Variants in ARHGEF10L observed in about 807,000 individuals in gnomAD.
The protein encoded by ARHGEF10L is Rho guanine nucleotide exchange factor 10 like.
A neutral mutation model predicts 141.2 loss-of-function variants in ARHGEF10L; 69 were observed. The observed-to-expected ratio is 0.49, with a 90% confidence interval of 0.40 to 0.60. The LOEUF (loss-of-function observed/expected upper bound fraction) is 0.60. Among genes scored for constraint, ARHGEF10L ranks in the 20% least tolerant of loss-of-function variants. The pLI, the probability that ARHGEF10L is intolerant of heterozygous loss-of-function variation, is 0.00. For missense variants in ARHGEF10L, 1,482 were observed against 1,734.3 expected (o/e 0.85, Z 2.58); for synonymous variants, 711 against 718.5 (o/e 0.99, Z 0.17).
At position 17,619,353 on chromosome 1, in the gene ARHGEF10L, G is replaced by A. The variant is rs112786807; in HGVS notation, c.850G>A (p.Glu284Lys). The A allele has an allele frequency of 6.2e-7, 1 of 1,613,312 alleles. No individual in the cohort carries two copies. The highest frequency in any genetic ancestry group is 8.5e-7 in the Non-Finnish European group (1 of 1,179,876). Residue 284 changes from glutamate to lysine, a missense_variant, in exon 10 of 29, where the codon GAG becomes AAG. Transcript: ENST00000361221. This position sits in a 1 kb window ranked among gnomAD's most constrained non-coding sequence, Gnocchi z 5.0. ...RKDVLGDSEEEDMGLLEVSVS... is the reference protein window; with the variant it reads ...RKDVLGDSEEKDMGLLEVSVS... ...TGACTTTCCAGGTGACTCGGAGGAGGAGGACATGGGGCTCCTGGAGGTCAG... is the reference window on the plus strand; with the variant it reads ...TGACTTTCCAGGTGACTCGGAGGAGAAGGACATGGGGCTCCTGGAGGTCAG...
Position 17,621,886 on chromosome 1 carries a change from G to A in ARHGEF10L, c.965G>A (p.Gly322Asp). ...PQQVVRRHILGSIVQSEGSYV... is the reference protein window; with the variant it reads ...PQQVVRRHILDSIVQSEGSYV... ...CAGGTGGTCCGGAGGCATATCCTGG[G>A]CTCCATCGTGCAGAGCGAAGGCAGC... The change falls in exon 11 of 29, where the codon GGC becomes GAC. Residue 322 changes from glycine to aspartate, a missense_variant. Transcript: ENST00000361221. This position sits in a 1 kb window ranked among gnomAD's most constrained non-coding sequence, Gnocchi z 4.1. 6.2e-7 allele frequency: 1 copy of A among 1,614,166 alleles called. No individual in the cohort carries two copies. Among genetic ancestry groups the A allele is most frequent in the South Asian group, 1.1e-5 (1 of 91,084 alleles).
intron 1 of ARHGEF10L, among the ~76,000 whole-genome samples, chr1:17,571,591 T>C (rs867813695): frequency 6.6e-6 from 1 of 152,174 alleles, no homozygotes. Flanking sequence ...TGGAGTGCAG[T>C]AGTGCGATCT....
chr1:17,642,988 T>C (rs2061407877), intron 21 of ARHGEF10L, among the ~76,000 whole-genome samples: 1 of 152,240 alleles, frequency 6.6e-6, no homozygotes, highest in Non-Finnish European at 1.5e-5. Context: ...CTTGGCAGCC[T>C]GTGAAGATGC....
rs1293877999 is a variant in ARHGEF10L, at chr1:17,639,092, C to T, written c.2171+403C>T. Among the ~76,000 whole-genome samples the T allele has an allele frequency of 3.3e-5, 5 of 152,210 alleles. No individual in the cohort carries two copies. Among genetic ancestry groups the T allele is most frequent in the Non-Finnish European group, 1.5e-5 (1 of 68,038 alleles). ...ACCACCTTAGCCCCAGAATGCCCAC[C>T]ACAGGAGCTGTGCACAGTAGACCCC... is the stretch of plus-strand genomic sequence containing the variant. On this transcript the variant is annotated intron_variant, in intron 20 of 28. Transcript: ENST00000361221. This position sits in a 1 kb window ranked among gnomAD's most constrained non-coding sequence, Gnocchi z 4.3.
At chr1:17,525,901 C>G in the ARHGEF10L span, among the ~76,000 whole-genome samples, 1 of 150,992 alleles carries the variant, frequency 6.6e-6, no homozygotes, top group Non-Finnish European at 1.5e-5. Flanking sequence ...ACTTGGGAAG[C>G]CGAGATGGAA....
At chr1:17,535,150 G>T (rs950400978), upstream of ARHGEF10L, among the ~76,000 whole-genome samples, 3 of 152,120 alleles carry the variant, frequency 2.0e-5, no homozygotes, top group Non-Finnish European at 4.4e-5. Context: ...CCATCTGGGG[G>T]TGATGGGAGA....
chr1:17,556,465 C>T (rs114033138), intron 1 of ARHGEF10L, among the ~76,000 whole-genome samples: 2,217 of 152,244 alleles, frequency 0.015, 59 homozygotes, highest in African/African-American at 0.051. Flanking sequence ...TCAGGGCTGA[C>T]GTTCTGTGAA....
intron 3 of ARHGEF10L, 24 bp downstream of exon 3, chr1:17,587,669 G>C: frequency 6.3e-7 from 1 of 1,591,966 alleles, no homozygotes; most frequent in African/African-American, 1.3e-5. Flanking sequence ...GGGAACTTCC[G>C]GTCCTGGGGC....
chr1:17,672,965 T>C (rs1352160737), intron 26 of ARHGEF10L, among the ~76,000 whole-genome samples: 1 of 152,132 alleles, frequency 6.6e-6, no homozygotes, highest in Non-Finnish European at 1.5e-5. Context: ...TCTCCTCACC[T>C]GGAGGAGCTC....
chr1:17,609,352 G>A (rs780071952), intron 7 of ARHGEF10L, among the ~76,000 whole-genome samples: 7 of 152,208 alleles, frequency 4.6e-5, no homozygotes, highest in Non-Finnish European at 1.0e-4. Flanking sequence ...TTCCAGGGAT[G>A]GGCCTCCAGG....
At chr1:17,556,703 AG>A (rs2077342097) in intron 1 of ARHGEF10L, among the ~76,000 whole-genome samples, 2 of 152,176 alleles carry the variant, frequency 1.3e-5, no homozygotes, top group South Asian at 4.1e-4. Context: ...AAGCCTGCTA[AG>A]AAGGCAGATT....
chr1:17,643,738 G>A (rs1396718927), intron 21 of ARHGEF10L, among the ~76,000 whole-genome samples: 2 of 152,216 alleles, frequency 1.3e-5, no homozygotes, highest in Admixed American at 6.5e-5. Context: ...GGGAGATGGT[G>A]CATGGAAGAT....
intron 27 of ARHGEF10L, chr1:17,694,448 G>A (rs2065339978): frequency 5.8e-6 from 1 of 173,352 alleles, no homozygotes; most frequent in African/African-American, 2.4e-5. Context: ...TCTCTGTTAG[G>A]AGCAGGGGCC....
At chr1:17,597,584 C>T (rs759639720) in intron 4 of ARHGEF10L, among the ~76,000 whole-genome samples, 1 of 152,134 alleles carries the variant, frequency 6.6e-6, no homozygotes, top group Non-Finnish European at 1.5e-5. Flanking sequence ...CTCATCGGCC[C>T]GAGGAACACC....
Position 17,539,768 on chromosome 1 carries a change from C to G in ARHGEF10L, c.-226C>G, listed in dbSNP as rs2076646248. On this transcript the variant is annotated 5_prime_UTR_variant, in exon 1 of 29. Coordinates refer to ENST00000361221, the MANE Select transcript of ARHGEF10L (RefSeq NM_018125.4). The surrounding 1 kb of genome is among the most constrained non-coding windows in gnomAD (Gnocchi z 6.0). ...CGGGCGCGGGCGCAGTCCCGGCGGG[C>G]CCGGACCTCGCGGGCGGGCGGGCGG... 1 of 146,322 alleles carries G rather than the reference C, an allele frequency of 6.8e-6. No individual in the cohort carries two copies. Among genetic ancestry groups the G allele is most frequent in the African/African-American group, 2.5e-5 (1 of 40,648 alleles). 9.1% of individuals were successfully genotyped at this position (146,322 alleles called of 1,614,324 possible).
chr1:17,622,317 C>T (rs1171218951), intron 11 of ARHGEF10L, among the ~76,000 whole-genome samples: 1 of 152,114 alleles, frequency 6.6e-6, no homozygotes, highest in Non-Finnish European at 1.5e-5. Context: ...AGGATGGAGT[C>T]CTCCTTCTTG....
the ARHGEF10L span, among the ~76,000 whole-genome samples, chr1:17,517,010 A>T: frequency 6.6e-6 from 1 of 152,066 alleles, no homozygotes; most frequent in Non-Finnish European, 1.5e-5. Flanking sequence ...CAGAGCCAGG[A>T]CTCAAATCTG....
Position 17,632,474 on chromosome 1 carries a change from G to C in ARHGEF10L, c.1730+8G>C, listed in dbSNP as rs2060751667. 6.2e-7 allele frequency: 1 copy of C among 1,613,976 alleles called. No individual in the cohort carries two copies. The highest frequency in any genetic ancestry group is 2.2e-5 in the East Asian group (1 of 44,868). On this transcript the variant is annotated splice_region_variant and intron_variant, in intron 16 of 28. Coordinates refer to ENST00000361221, the MANE Select transcript of ARHGEF10L (RefSeq NM_018125.4). ...TGCCAACATCAACTTCAAGTAAGTG[G>C]GCCTGGGTTGGAGGGGGCAATCACC...
chr1:17,537,240 A>C (rs1182675202), upstream of ARHGEF10L, among the ~76,000 whole-genome samples: 1 of 152,178 alleles, frequency 6.6e-6, no homozygotes, highest in East Asian at 1.9e-4. Context: ...AAATGATGGC[A>C]ACTAACAACA....
Sources: gnomAD v4.1 joint callset for allele counts (sites outside exome capture counted in the v4.1 genomes callset) on GRCh38, gnomAD v4.1.1 for gene constraint, Gnocchi (gnomAD v3.1) non-coding constraint, MANE v1.5 for transcripts, NCBI Gene and HGNC (gene_info 2026-07-23, HGNC 2026-07-21) for gene names.